The following ZFAND3 variants were observed in gnomAD, a reference collection of about 807,000 sequenced individuals.
The protein encoded by ZFAND3 is AN1-type zinc finger protein 3.
Under a neutral mutation model 29.6 loss-of-function variants are expected in ZFAND3, and 10 were observed. The observed-to-expected ratio is 0.34, with a 90% CI of 0.21 to 0.57. The LOEUF is 0.57. Ranked by LOEUF, ZFAND3 falls within the 20% of genes least tolerant of loss-of-function variation. The probability of loss-of-function intolerance (pLI) is 0.86; values close to 1 mark genes in which losing one functional copy is unlikely to be tolerated. For synonymous variants in ZFAND3, 128 were observed against 112.6 expected, an observed-to-expected ratio of 1.14 and a Z score of -0.87; for missense variants, 230 against 304.5, an observed-to-expected ratio of 0.76 and a Z score of 1.82.
chr6:37,962,053 C>T (rs1762207876), intron 2 of ZFAND3, among the ~76,000 whole-genome samples: 1 of 152,196 alleles, frequency 6.6e-6, no homozygotes, highest in Non-Finnish European at 1.5e-5. Flanking sequence ...ATAGAGATAT[C>T]AGACCTTTCA....
chr6:37,966,207 C>G (rs1047719127), intron 2 of ZFAND3, among the ~76,000 whole-genome samples: 1 of 152,134 alleles, frequency 6.6e-6, no homozygotes, highest in South Asian at 2.1e-4. Context: ...TACAGAATTG[C>G]AAACAGCAGG....
chr6:37,897,835 T>C (rs1765246865), intron 1 of ZFAND3, among the ~76,000 whole-genome samples: 1 of 152,160 alleles, frequency 6.6e-6, no homozygotes, highest in African/African-American at 2.4e-5. Flanking sequence ...GAATCAACAG[T>C]CAGCAAGTAG....
chr6:37,854,776 C>CCG (rs1491434302), intron 1 of ZFAND3, among the ~76,000 whole-genome samples: 1 of 80,544 alleles, frequency 1.2e-5, no homozygotes, highest in Non-Finnish European at 2.4e-5. Flanking sequence ...CCCCCCCCCC[C>CCG]TTTTTTTTTA....
chr6:37,830,998 G>A (rs1262964921), intron 1 of ZFAND3, among the ~76,000 whole-genome samples: 3 of 151,894 alleles, frequency 2.0e-5, no homozygotes, highest in South Asian at 4.1e-4. Context: ...CCAAAACTCC[G>A]AAGATGAAGG....
chr6:37,917,824 G>C (rs17434150), intron 1 of ZFAND3, among the ~76,000 whole-genome samples: 11 of 152,102 alleles, frequency 7.2e-5, no homozygotes, highest in African/African-American at 2.7e-4. Context: ...AACTCCCTGA[G>C]AATGGCCTAG....
intron 4 of ZFAND3, among the ~76,000 whole-genome samples, chr6:38,101,424 C>A (rs1344882819): frequency 2.6e-5 from 4 of 152,098 alleles, no homozygotes; most frequent in Admixed American, 6.6e-5. Context: ...TCATAATATA[C>A]CAGAAGAAAT....
intron 1 of ZFAND3, among the ~76,000 whole-genome samples, chr6:37,900,623 G>C (rs1386217609): frequency 3.9e-5 from 6 of 152,122 alleles, no homozygotes. Flanking sequence ...CTTGTTGTTA[G>C]TATTTGTAGT....
At chr6:38,076,111 CT>C (rs1378542804) in intron 3 of ZFAND3, among the ~76,000 whole-genome samples, 4 of 152,194 alleles carry the variant, frequency 2.6e-5, no homozygotes, top group South Asian at 2.1e-4. Flanking sequence ...CTACCACCCC[CT>C]GATCAGTTAG....
intron 4 of ZFAND3, among the ~76,000 whole-genome samples, chr6:38,100,325 G>A (rs1000875498): frequency 2.6e-5 from 4 of 152,120 alleles, no homozygotes; most frequent in African/African-American, 9.7e-5. Flanking sequence ...ACCTCCCAAA[G>A]TTTTGGGATT....
intron 2 of ZFAND3, among the ~76,000 whole-genome samples, chr6:37,992,099 C>T (rs934703117): frequency 6.6e-6 from 1 of 152,134 alleles, no homozygotes; most frequent in African/African-American, 2.4e-5. Flanking sequence ...ACTTTTCTTG[C>T]AACTTATGTA....
chr6:38,092,871 T>C (rs1764901722), intron 4 of ZFAND3, among the ~76,000 whole-genome samples: 1 of 152,218 alleles, frequency 6.6e-6, no homozygotes, highest in Admixed American at 6.5e-5. Flanking sequence ...CATGTATTTG[T>C]CATTTGTGCC....
chr6:37,882,819 G>A (rs914269927), intron 1 of ZFAND3, among the ~76,000 whole-genome samples: 1 of 152,126 alleles, frequency 6.6e-6, no homozygotes, highest in Non-Finnish European at 1.5e-5. Flanking sequence ...GTTCACTGTG[G>A]GACTTTGGAA....
In ZFAND3 at chr6:37,820,290, G is replaced by C. The variant is rs571449537; in HGVS notation, c.71+274G>C. Reference sequence around the variant, plus strand: ...CGGGGGCCTCCTGGGCCACGGGTGAGGGGGGCAGGGCGGCGGGGAGGGATG... The same window carrying C: ...CGGGGGCCTCCTGGGCCACGGGTGACGGGGGCAGGGCGGCGGGGAGGGATG... On this transcript the variant is annotated intron_variant, in intron 1 of 5. Transcript: ENST00000287218. 4.4e-4 allele frequency among the ~76,000 whole-genome samples: 67 copies of C among 152,282 alleles called. 1 individual carries two copies. The East Asian group carries it at 0.012, about 26-fold the overall frequency.
intron 4 of ZFAND3, chr6:38,088,513 T>G (rs1035817802): frequency 3.3e-5 from 5 of 152,216 alleles, no homozygotes; most frequent in African/African-American, 1.2e-4. Context: ...AATAACTTAC[T>G]TAAAGAGTGT....
intron 2 of ZFAND3, 56 bp from the exon 3 acceptor site, chr6:38,061,537 C>G (rs1033438401): frequency 4.9e-5 from 78 of 1,591,358 alleles, no homozygotes; most frequent in Non-Finnish European, 5.9e-5. Flanking sequence ...CCATTGTTTT[C>G]TAATCCTCAG....
chr6:37,967,223 A>G (rs193056921), intron 2 of ZFAND3, among the ~76,000 whole-genome samples: 1 of 152,290 alleles, frequency 6.6e-6, no homozygotes, highest in East Asian at 1.9e-4. Flanking sequence ...GTATCTACTT[A>G]TACTCATGGT....
At chr6:38,051,995 C>T (rs1019419610) in intron 2 of ZFAND3, among the ~76,000 whole-genome samples, 27 of 152,048 alleles carry the variant, frequency 1.8e-4, no homozygotes, top group Admixed American at 6.6e-5. Context: ...ATTTTTTTTG[C>T]TAGTTCACAC....
chr6:38,104,481 A>G (rs1433811233), intron 4 of ZFAND3, among the ~76,000 whole-genome samples: 1 of 152,228 alleles, frequency 6.6e-6, no homozygotes, highest in African/African-American at 2.4e-5. Context: ...ATCAGTAAAG[A>G]AACTTTTGTG....
intron 3 of ZFAND3, among the ~76,000 whole-genome samples, chr6:38,073,566 G>T (rs1764498272): frequency 6.6e-6 from 1 of 152,110 alleles, no homozygotes; most frequent in South Asian, 2.1e-4. Flanking sequence ...AAACAAAACA[G>T]TGTCTAAAAT....
Sources: gnomAD v4.1 joint callset for allele counts (sites outside exome capture counted in the v4.1 genomes callset) on GRCh38, gnomAD v4.1.1 for gene constraint, MANE v1.5 for transcripts, NCBI Gene and HGNC (gene_info 2026-07-23, HGNC 2026-07-21) for gene names.